TM9SF3: variants seen among roughly 807,000 people sequenced by gnomAD.
TM9SF3 encodes transmembrane 9 superfamily member 3.
TM9SF3 carries 14 observed loss-of-function variants against 78.6 expected under a neutral mutation model. The ratio of observed to expected loss-of-function variants is 0.18; its 90% CI spans 0.12 to 0.28. The LOEUF (loss-of-function observed/expected upper bound fraction) is 0.28, where lower values mean the gene tolerates loss of function less well. Among genes scored for constraint, TM9SF3 ranks in the 10% least tolerant of loss-of-function variants. TM9SF3 has a pLI of 1.00. For synonymous variants in TM9SF3, 231 were observed against 241.7 expected (o/e 0.96, Z 0.41); for missense variants, 496 against 721.9 (o/e 0.69, Z 3.59).
chr10:96,549,952 C>A (rs780201070), intron 7 of TM9SF3, among the ~76,000 whole-genome samples: 1 of 151,846 alleles, frequency 6.6e-6, no homozygotes, highest in South Asian at 2.1e-4. Context: ...AGTGTCAATT[C>A]GATAGTGATT....
chr10:96,566,344 C>A (rs894524131), intron 2 of TM9SF3, among the ~76,000 whole-genome samples: 1 of 151,490 alleles, frequency 6.6e-6, no homozygotes, highest in Non-Finnish European at 1.5e-5. Context: ...TTTTATTGAT[C>A]AAAAGTTCTT....
intron 6 of TM9SF3, among the ~76,000 whole-genome samples, chr10:96,551,783 G>A (rs1271953383): frequency 1.3e-5 from 2 of 152,142 alleles, no homozygotes; most frequent in African/African-American, 2.4e-5. Flanking sequence ...CAGGGGCTAG[G>A]TGGAGAAATG....
intron 3 of TM9SF3, 92 bp downstream of exon 3, chr10:96,565,212 T>C (rs1848354839): frequency 8.7e-6 from 10 of 1,149,290 alleles, no homozygotes; most frequent in South Asian, 5.2e-5. Flanking sequence ...ATTTACACCA[T>C]GATCCAGTAC....
At chr10:96,556,781 C>T (rs550344715) in intron 5 of TM9SF3, among the ~76,000 whole-genome samples, 18 of 152,240 alleles carry the variant, frequency 1.2e-4, no homozygotes, top group Non-Finnish European at 2.4e-4. Flanking sequence ...TCCTCTTTTC[C>T]CATTCTCTCT....
At chr10:96,564,932 G>C (rs1458841902) in intron 3 of TM9SF3, among the ~76,000 whole-genome samples, 1 of 151,880 alleles carries the variant, frequency 6.6e-6, no homozygotes, top group Admixed American at 6.6e-5. Flanking sequence ...GTACCAACAT[G>C]AGAAAAAGAC....
intron 6 of TM9SF3, among the ~76,000 whole-genome samples, 173 bp from the exon 7 acceptor site, chr10:96,551,584 A>C (rs1373879863): frequency 6.6e-6 from 1 of 152,224 alleles, no homozygotes; most frequent in African/African-American, 2.4e-5. Context: ...CCTTAATAAC[A>C]ATGTTAAAAT....
In TM9SF3 at chr10:96,538,672, CTT is replaced by C. The variant is rs960615703; in HGVS notation, c.1185+5402_1185+5403del. 1.1e-4 allele frequency among the ~76,000 whole-genome samples: 17 copies of C among 152,164 alleles called. No individual in the cohort carries two copies. In the South Asian group the frequency reaches 2.9e-3, roughly 26 times the overall value. ...CTTGTATTTACAATATATAAGAACT[CTT>C]ATCACTCAATAAGAAGACAATCTAT... On this transcript the variant is annotated intron_variant, in intron 9 of 14. Transcript: ENST00000371142.
At chr10:96,583,102 AG>A (rs1848591076) in intron 1 of TM9SF3, among the ~76,000 whole-genome samples, 1 of 151,682 alleles carries the variant, frequency 6.6e-6, no homozygotes, top group South Asian at 2.1e-4. Context: ...AAGAAAAAAA[AG>A]AAAGAAAGAA....
chr10:96,525,046 GATGTT>G (rs1847822000), intron 14 of TM9SF3, among the ~76,000 whole-genome samples: 1 of 151,944 alleles, frequency 6.6e-6, no homozygotes, highest in Non-Finnish European at 1.5e-5. Context: ...TAAATGTCAA[GATGTT>G]ACCTCTCTGG....
chr10:96,546,380 G>T (rs541053984), intron 8 of TM9SF3, among the ~76,000 whole-genome samples: 10 of 152,278 alleles, frequency 6.6e-5, no homozygotes, highest in African/African-American at 2.2e-4. Flanking sequence ...AAGGAAAGTT[G>T]GGCTGGGTGT....
rs11818366 is a variant in TM9SF3, at chr10:96,574,189, A to C, written c.298+2445T>G. On this transcript the variant is annotated intron_variant, in intron 2 of 14. Coordinates refer to ENST00000371142, the MANE Select transcript of TM9SF3 (RefSeq NM_020123.4). ...AATCAATCCATCTGACAAAGGGCTA[A>C]TATCCAGAATCTACAAAGAACTTAA... Among the ~76,000 whole-genome samples, 420 of 152,340 alleles carry C rather than the reference A, an allele frequency of 2.8e-3. 3 individuals are homozygous for C. The highest frequency in any genetic ancestry group is 9.9e-3 in the African/African-American group (412 of 41,572).
intron 14 of TM9SF3, among the ~76,000 whole-genome samples, chr10:96,526,679 A>G (rs1396548204): frequency 6.6e-6 from 1 of 152,140 alleles, no homozygotes; most frequent in African/African-American, 2.4e-5. Flanking sequence ...TGGTACAGCT[A>G]GAACTTAAGT....
chr10:96,541,249 A>G (rs1451692249), intron 9 of TM9SF3, among the ~76,000 whole-genome samples: 1 of 152,210 alleles, frequency 6.6e-6, no homozygotes, highest in Non-Finnish European at 1.5e-5. Flanking sequence ...TTTCCAGAAC[A>G]TCTTGGCGAA....
intron 14 of TM9SF3, among the ~76,000 whole-genome samples, chr10:96,522,730 T>C (rs1425599331): frequency 1.3e-5 from 2 of 151,934 alleles, no homozygotes; most frequent in African/African-American, 4.8e-5. Context: ...CAAAATCCAA[T>C]AGATAAATAG....
chr10:96,522,942 T>C (rs1847796591), intron 14 of TM9SF3, among the ~76,000 whole-genome samples: 2 of 151,842 alleles, frequency 1.3e-5, no homozygotes, highest in Admixed American at 6.6e-5. Context: ...TGAAATGTTG[T>C]TTTTTAACAA....
chr10:96,563,321 G>A (rs1848331964), intron 3 of TM9SF3, among the ~76,000 whole-genome samples: 1 of 151,938 alleles, frequency 6.6e-6, no homozygotes, highest in Non-Finnish European at 1.5e-5. Context: ...GCTTCTCAAA[G>A]TGCTGTATTA....
chr10:96,529,624 A>G (rs190452790), intron 11 of TM9SF3, among the ~76,000 whole-genome samples: 2 of 149,578 alleles, frequency 1.3e-5, no homozygotes, highest in East Asian at 3.9e-4. Flanking sequence ...TTTCAATGAA[A>G]AAAAAGACCA....
Position 96,570,761 on chromosome 10 carries a change from T to A in TM9SF3, c.299-5335A>T, listed in dbSNP as rs568652722. Reference sequence around the variant, plus strand: ...AACGGTGGGAAAAAAACAAAAAAAATTGAGATGGAGTTTTGCTCTTGTCAC... The same window carrying A: ...AACGGTGGGAAAAAAACAAAAAAAAATGAGATGGAGTTTTGCTCTTGTCAC... On this transcript the variant is annotated intron_variant, in intron 2 of 14. Coordinates refer to ENST00000371142, the MANE Select transcript of TM9SF3 (RefSeq NM_020123.4). Among the ~76,000 whole-genome samples, 12 of 152,034 alleles carry A rather than the reference T, an allele frequency of 7.9e-5. 1 individual carries two copies. In the East Asian group the frequency reaches 2.3e-3, roughly 29 times the overall value.
intron 1 of TM9SF3, among the ~76,000 whole-genome samples, chr10:96,579,815 CCT>C (rs1232216197): frequency 6.6e-6 from 1 of 151,986 alleles, no homozygotes. Context: ...CTTGATTGTC[CCT>C]GAGAATAAGT....
Sources: allele counts gnomAD v4.1 joint callset (sites outside exome capture counted in the v4.1 genomes callset), GRCh38; gene constraint gnomAD v4.1.1; transcripts MANE v1.5; gene names NCBI Gene and HGNC (gene_info 2026-07-23, HGNC 2026-07-21).